Variants in PJA2 observed in about 807,000 individuals in gnomAD.
PJA2 encodes praja ring finger ubiquitin ligase 2, also known as E3 ubiquitin-protein ligase Praja-2.
A neutral mutation model predicts 69.3 loss-of-function variants in PJA2; 25 were observed. The observed-to-expected ratio is 0.36, with a 90% CI of 0.26 to 0.50. The LOEUF (loss-of-function observed/expected upper bound fraction) is 0.50. Ranked by LOEUF, PJA2 falls within the 20% of genes least tolerant of loss-of-function variation. The pLI is 0.96. For synonymous variants in PJA2, 308 were observed against 277.8 expected (o/e 1.11, Z -1.08); for missense variants, 809 against 830.2 (o/e 0.97, Z 0.31).
At chr5:109,392,725 A>G (rs750822313) in intron 1 of PJA2, among the ~76,000 whole-genome samples, 21 of 152,188 alleles carry the variant, frequency 1.4e-4, no homozygotes, top group Non-Finnish European at 2.9e-4. Context: ...ATTACATACA[A>G]TTGACTTATG....
chr5:109,338,636 CAAAAAAAAA>C lies in PJA2; in HGVS notation c.2002-1289_2002-1281del, dbSNP rs11336749. On this transcript the variant is annotated intron_variant, in intron 9 of 9. Transcript: ENST00000361189. ...TGGGCAACAGAGTGAAACTCCGTCT[CAAAAAAAAA>C]AAAAAAAAAAAAAAAATTTCATTTC... Among the ~76,000 whole-genome samples the C allele has an allele frequency of 1.6e-4, 10 of 62,452 alleles. No homozygotes were observed. In the South Asian group the frequency reaches 3.0e-3, roughly 19 times the overall value. 41.0% of individuals were successfully genotyped at this position (62,452 alleles called of 152,430 possible).
intron 5 of PJA2, among the ~76,000 whole-genome samples, chr5:109,364,205 G>C (rs909728215): frequency 6.6e-6 from 1 of 152,136 alleles, no homozygotes; most frequent in East Asian, 1.9e-4. Flanking sequence ...GTATTCGCCC[G>C]CAGGGAGGGA....
At chr5:109,353,638 G>GAC (rs1373278896) in intron 7 of PJA2, among the ~76,000 whole-genome samples, 3 of 145,406 alleles carry the variant, frequency 2.1e-5, no homozygotes, top group East Asian at 2.1e-4. Context: ...CTATATCATA[G>GAC]ATATCTATAT....
chr5:109,364,274 C>G (rs1260109090), intron 5 of PJA2, among the ~76,000 whole-genome samples: 1 of 152,028 alleles, frequency 6.6e-6, no homozygotes, highest in Non-Finnish European at 1.5e-5. Context: ...TGTATATGCA[C>G]CCCCCACCTC....
intron 4 of PJA2, among the ~76,000 whole-genome samples, chr5:109,371,897 C>T (rs1268782377): frequency 6.6e-6 from 1 of 152,180 alleles, no homozygotes; most frequent in Admixed American, 6.5e-5. Flanking sequence ...CCTTTTTAGC[C>T]TCACATATCA....
intron 1 of PJA2, among the ~76,000 whole-genome samples, chr5:109,389,071 T>A (rs952692734): frequency 6.6e-6 from 1 of 152,236 alleles, no homozygotes; most frequent in Non-Finnish European, 1.5e-5. Flanking sequence ...CACTGGATTA[T>A]TCTTTTACCT....
Position 109,402,959 on chromosome 5 carries a change from T to C in PJA2, c.-88+6883A>G, listed in dbSNP as rs1228846813. ...GAAAAGAAAAAAGGTCTCAAGTCAA[T>C]GACCTAAGCTTACACCTTAATAAAT... On this transcript the variant is annotated intron_variant, in intron 1 of 9. Coordinates refer to ENST00000361189, the MANE Select transcript of PJA2 (RefSeq NM_014819.5). 2.0e-5 allele frequency among the ~76,000 whole-genome samples: 3 copies of C among 151,832 alleles called. No homozygotes were observed. In the East Asian group the frequency reaches 5.8e-4, roughly 29 times the overall value.
chr5:109,396,408 T>G (rs562171808), intron 1 of PJA2, among the ~76,000 whole-genome samples: 1 of 150,282 alleles, frequency 6.7e-6, no homozygotes, highest in Admixed American at 6.7e-5. Context: ...TACTTCTACT[T>G]AACATGTAAA....
At chr5:109,406,331 C>T (rs1006759881) in intron 1 of PJA2, among the ~76,000 whole-genome samples, 3 of 152,148 alleles carry the variant, frequency 2.0e-5, no homozygotes, top group South Asian at 2.1e-4. Context: ...TGAGCCACCG[C>T]GCCAGGCCCA....
At chr5:109,370,270 C>G (rs1445919539) in intron 4 of PJA2, among the ~76,000 whole-genome samples, 1 of 151,974 alleles carries the variant, frequency 6.6e-6, no homozygotes, top group Non-Finnish European at 1.5e-5. Context: ...CTTGGAAAAT[C>G]AAAAATAACA....
chr5:109,405,488 T>C (rs1454711447), intron 1 of PJA2, among the ~76,000 whole-genome samples: 1 of 152,196 alleles, frequency 6.6e-6, no homozygotes, highest in Non-Finnish European at 1.5e-5. Flanking sequence ...AGTTCAAGGA[T>C]TCATATTACC....
rs1469851408 is a variant in PJA2, at chr5:109,391,540, C to T, written c.-87-8020G>A. 2.6e-5 allele frequency among the ~76,000 whole-genome samples: 4 copies of T among 151,300 alleles called. 1 individual carries two copies. The highest frequency in any genetic ancestry group is 2.6e-4 in the Admixed American group (4 of 15,194). Reference sequence around the variant, plus strand: ...AAGATGTACCCCTATTGTTTCCTGGCTTCCACAGTTTCCATTAAGAAGTCC... The same window carrying T: ...AAGATGTACCCCTATTGTTTCCTGGTTTCCACAGTTTCCATTAAGAAGTCC... On this transcript the variant is annotated intron_variant, in intron 1 of 9. Transcript: ENST00000361189.
intron 7 of PJA2, among the ~76,000 whole-genome samples, chr5:109,349,073 T>C (rs1762211522): frequency 6.6e-6 from 1 of 152,208 alleles, no homozygotes; most frequent in Admixed American, 6.5e-5. Flanking sequence ...CATCTGCTCA[T>C]TCTGGGAAAT....
At chr5:109,346,500 G>C (rs1194100457) in intron 7 of PJA2, among the ~76,000 whole-genome samples, 1 of 152,228 alleles carries the variant, frequency 6.6e-6, no homozygotes, top group Admixed American at 6.5e-5. Flanking sequence ...AAAGGTGGAA[G>C]CAAATCAACT....
At chr5:109,352,724 T>A (rs1431535327) in intron 7 of PJA2, among the ~76,000 whole-genome samples, 1 of 151,984 alleles carries the variant, frequency 6.6e-6, no homozygotes, top group East Asian at 1.9e-4. Flanking sequence ...CATAAATGTA[T>A]GTGAACATGT....
intron 5 of PJA2, among the ~76,000 whole-genome samples, chr5:109,367,473 T>C (rs981552122): frequency 2.0e-5 from 3 of 151,822 alleles, no homozygotes; most frequent in Non-Finnish European, 4.4e-5. Context: ...AATTAAATTA[T>C]CAAAAAGATA....
chr5:109,372,921 AAAAAAG>A (rs1251072605), intron 4 of PJA2, among the ~76,000 whole-genome samples: 1 of 142,126 alleles, frequency 7.0e-6, no homozygotes, highest in African/African-American at 2.5e-5. Flanking sequence ...AAAAAAAAAA[AAAAAAG>A]AAAGAAAGAA....
intron 6 of PJA2, among the ~76,000 whole-genome samples, chr5:109,359,897 C>G (rs1383284942): frequency 1.3e-5 from 2 of 152,068 alleles, no homozygotes; most frequent in African/African-American, 4.8e-5. Context: ...GTCGGAAATT[C>G]ATTCTAGAAT....
chr5:109,354,069 A>C (rs867649379), intron 7 of PJA2, among the ~76,000 whole-genome samples: 1 of 128,096 alleles, frequency 7.8e-6, no homozygotes, highest in Non-Finnish European at 1.6e-5. Context: ...ATATCTAGAG[A>C]TATCTATAGA....
Sources: allele counts gnomAD v4.1 joint callset (sites outside exome capture counted in the v4.1 genomes callset), GRCh38; gene constraint gnomAD v4.1.1; transcripts MANE v1.5; gene names NCBI Gene and HGNC (gene_info 2026-07-23, HGNC 2026-07-21).